HERC4: variants seen among roughly 807,000 people sequenced by gnomAD.
The protein encoded by HERC4 is probable E3 ubiquitin-protein ligase HERC4.
HERC4 carries 28 observed loss-of-function variants against 124.3 expected under a neutral mutation model. The ratio of observed to expected loss-of-function variants is 0.23; its 90% CI spans 0.17 to 0.31. The LOEUF is 0.31. HERC4 is among the 10% of genes least tolerant of loss of function. The pLI, the probability that HERC4 is intolerant of heterozygous loss-of-function variation, is 1.00. For synonymous variants in HERC4, 407 were observed against 421.5 expected, an observed-to-expected ratio of 0.97 and a Z score of 0.42; for missense variants, 713 against 1,229.3, an observed-to-expected ratio of 0.58 and a Z score of 6.28.
At chr10:68,040,946 T>C (rs1451104948) in intron 4 of HERC4, among the ~76,000 whole-genome samples, 1 of 150,918 alleles carries the variant, frequency 6.6e-6, no homozygotes, top group Non-Finnish European at 1.5e-5. Context: ...ATAAATTTTG[T>C]AAATTAAAAA....
chr10:68,042,161 G>A (rs574397402), intron 4 of HERC4, among the ~76,000 whole-genome samples: 5 of 152,146 alleles, frequency 3.3e-5, no homozygotes, highest in African/African-American at 9.6e-5. Context: ...GATTACAGGC[G>A]CCTGCCTGGC....
chr10:67,935,844 G>C (rs2032312545), intron 22 of HERC4, among the ~76,000 whole-genome samples: 1 of 152,128 alleles, frequency 6.6e-6, no homozygotes, highest in Non-Finnish European at 1.5e-5. Context: ...CTTTTGTTTT[G>C]TGAAGTGATC....
chr10:67,954,577 G>C lies in HERC4; in HGVS notation c.2337+18C>G. On this transcript the variant is annotated intron_variant, in intron 19 of 24. Coordinates refer to ENST00000373700, the MANE Select transcript of HERC4 (RefSeq NM_015601.4). ...TGGGTATATACACAGAAGTAATTTAGATGGTTGGACATTTTACCTTATCAG... is the reference window on the plus strand; with the variant it reads ...TGGGTATATACACAGAAGTAATTTACATGGTTGGACATTTTACCTTATCAG... The C allele has an allele frequency of 1.9e-6, 3 of 1,605,590 alleles. No homozygotes were observed. In the East Asian group the frequency reaches 6.7e-5, roughly 36 times the overall value.
At chr10:68,026,356 G>A (rs566461652) in intron 7 of HERC4, among the ~76,000 whole-genome samples, 11 of 152,010 alleles carry the variant, frequency 7.2e-5, no homozygotes, top group South Asian at 2.1e-4. Flanking sequence ...TTGGCTTCCC[G>A]AAGTGCTGGG....
At chr10:68,049,372 T>C (rs879751869) in intron 3 of HERC4, among the ~76,000 whole-genome samples, 2 of 151,932 alleles carry the variant, frequency 1.3e-5, no homozygotes, top group Non-Finnish European at 2.9e-5. Flanking sequence ...TTTAAAACTT[T>C]GGAAAGATAA....
At chr10:67,965,221 A>AT (rs2034789087) in intron 16 of HERC4, 2 of 152,158 alleles carry the variant, frequency 1.3e-5, no homozygotes, top group African/African-American at 4.8e-5. Flanking sequence ...ACTTCATTAG[A>AT]TAAGTCTTTT....
intron 8 of HERC4, among the ~76,000 whole-genome samples, chr10:68,018,468 T>A (rs2038397399): frequency 6.6e-6 from 1 of 152,188 alleles, no homozygotes; most frequent in Non-Finnish European, 1.5e-5. Context: ...AACATTATGT[T>A]ACAGTAAACA....
intron 3 of HERC4, among the ~76,000 whole-genome samples, chr10:68,060,585 T>TA (rs2040955689): frequency 6.6e-6 from 1 of 152,152 alleles, no homozygotes; most frequent in Non-Finnish European, 1.5e-5. Context: ...TCTCTCCAAT[T>TA]ATATGGTTTA....
chr10:67,946,393 AC>A (rs2033352541), intron 19 of HERC4, among the ~76,000 whole-genome samples: 10 of 145,464 alleles, frequency 6.9e-5, no homozygotes, highest in South Asian at 2.2e-4. Flanking sequence ...ACACACACAC[AC>A]ACAAGACCCA....
At chr10:67,947,670 T>C (rs2132222512) in intron 19 of HERC4, among the ~76,000 whole-genome samples, 1 of 152,298 alleles carries the variant, frequency 6.6e-6, no homozygotes, top group East Asian at 1.9e-4. Context: ...TAAGTGTACA[T>C]GGAACATCTT....
chr10:67,946,596 T>G (rs1246100364), intron 19 of HERC4, among the ~76,000 whole-genome samples: 1 of 152,072 alleles, frequency 6.6e-6, no homozygotes, highest in Admixed American at 6.5e-5. Flanking sequence ...AGGGGTCAAT[T>G]AAGCAAGAAG....
chr10:68,058,423 C>A (rs1453490518), intron 3 of HERC4, among the ~76,000 whole-genome samples: 1 of 152,026 alleles, frequency 6.6e-6, no homozygotes, highest in Admixed American at 6.6e-5. Flanking sequence ...ATATAGTTTC[C>A]CTACAGGACA....
intron 3 of HERC4, among the ~76,000 whole-genome samples, chr10:68,066,254 A>G (rs1351162036): frequency 6.6e-6 from 1 of 152,232 alleles, no homozygotes; most frequent in Admixed American, 6.5e-5. Context: ...CTTTAAAAAC[A>G]GTGCTACATT....
chr10:67,925,673 C>T (rs1176184599), intron 23 of HERC4, among the ~76,000 whole-genome samples: 1 of 151,890 alleles, frequency 6.6e-6, no homozygotes, highest in Non-Finnish European at 1.5e-5. Context: ...TATAAGGATA[C>T]TGTGAATATG....
In HERC4 at chr10:67,922,789, C is replaced by A. The variant is rs1256081741; in HGVS notation, c.*142G>T. The A allele has an allele frequency of 1.8e-6, 1 of 557,400 alleles. No homozygotes were observed. The highest frequency in any genetic ancestry group is 2.7e-5 in the East Asian group (1 of 37,196). 34.5% of individuals were successfully genotyped at this position (557,400 alleles called of 1,614,324 possible). A position where few individuals can be genotyped will look rare whatever the true frequency, so the allele number is the denominator to read the frequency against. ...TTCATTTTCCTTTAATATTTTTTGG[C>A]TTCCATGAACACTCGTAGATTGAAC... is the stretch of plus-strand genomic sequence containing the variant. On this transcript the variant is annotated 3_prime_UTR_variant, in exon 25 of 25. Transcript: ENST00000373700.
intron 20 of HERC4, 57 bp from the exon 21 acceptor site, chr10:67,939,711 T>C: frequency 1.1e-6 from 1 of 920,300 alleles, no homozygotes; most frequent in Non-Finnish European, 1.7e-6. Flanking sequence ...TTTTGACTAT[T>C]TTACTTATGG....
intron 19 of HERC4, among the ~76,000 whole-genome samples, chr10:67,948,011 C>G (rs779501052): frequency 5.5e-5 from 7 of 128,126 alleles, no homozygotes; most frequent in South Asian, 2.7e-4. Context: ...TCTTAAACAA[C>G]CAAAAGATCA....
Position 68,025,554 on chromosome 10 carries a change from A to G in HERC4, c.900T>C (p.Ala300=). The stretch of plus-strand genomic sequence containing the variant: ...TTTACATAACACCTTACCGTCCACA[A>G]GCAATCTCAGTGACAATGCTTCCCA... ...ELMGSIVTEI[A]CGRQHTSAFV... The change falls in exon 8 of 25, where the codon GCT becomes GCC. Residue 300 remains alanine, a synonymous_variant. Coordinates refer to ENST00000373700, the MANE Select transcript of HERC4 (RefSeq NM_015601.4). 1.2e-6 allele frequency: 2 copies of G among 1,613,462 alleles called. No homozygotes were observed. The highest frequency in any genetic ancestry group is 1.7e-6 in the Non-Finnish European group (2 of 1,179,646).
In HERC4 at chr10:67,991,623, A is replaced by C. The variant is rs1480843212; in HGVS notation, c.1272-424T>G. 2.0e-5 allele frequency among the ~76,000 whole-genome samples: 3 copies of C among 152,190 alleles called. No homozygotes were observed. The South Asian group carries it at 6.2e-4, about 32-fold the overall frequency. ...AGCTAGAGAAACAAAACAGCTTTTC[A>C]AATACAACCCATCATCCCAAATACC... On this transcript the variant is annotated intron_variant, in intron 11 of 24. Coordinates refer to ENST00000373700, the MANE Select transcript of HERC4 (RefSeq NM_015601.4).
Sources: allele counts gnomAD v4.1 joint callset (sites outside exome capture counted in the v4.1 genomes callset), GRCh38; gene constraint gnomAD v4.1.1; transcripts MANE v1.5; gene names NCBI Gene and HGNC (gene_info 2026-07-23, HGNC 2026-07-21).